GRAMD1B: variants seen among roughly 807,000 people sequenced by gnomAD.
GRAMD1B encodes protein Aster-B.
Under a neutral mutation model 99.7 loss-of-function variants are expected in GRAMD1B, and 37 were observed. The ratio of observed to expected loss-of-function variants is 0.37; its 90% CI spans 0.29 to 0.49. The LOEUF (loss-of-function observed/expected upper bound fraction) is 0.49, where lower values mean the gene tolerates loss of function less well. GRAMD1B is among the 20% of genes least tolerant of loss of function. GRAMD1B has a pLI of 0.98. For missense variants in GRAMD1B, 888 were observed against 1,009.2 expected, an observed-to-expected ratio of 0.88 and a Z score of 1.63; for synonymous variants, 427 against 387.6, an observed-to-expected ratio of 1.10 and a Z score of -1.19.
At chr11:123,494,767 G>T (rs1272574419) in intron 2 of GRAMD1B, among the ~76,000 whole-genome samples, 1 of 152,092 alleles carries the variant, frequency 6.6e-6, no homozygotes, top group Non-Finnish European at 1.5e-5. Context: ...CCTACTTCCT[G>T]CTGGGAGAAA....
intron 1 of GRAMD1B, among the ~76,000 whole-genome samples, chr11:123,377,061 A>G (rs560371981): frequency 5.9e-5 from 9 of 152,254 alleles, no homozygotes; most frequent in African/African-American, 2.2e-4. Context: ...AATCTCCAAG[A>G]ACTACTCTAA....
chr11:123,537,746 C>T (rs958151135), intron 2 of GRAMD1B, among the ~76,000 whole-genome samples: 7 of 152,148 alleles, frequency 4.6e-5, no homozygotes, highest in Non-Finnish European at 8.8e-5. Flanking sequence ...TACCATTTAG[C>T]GATTGAGCTT....
chr11:123,406,901 T>C (rs1330658025), intron 1 of GRAMD1B, among the ~76,000 whole-genome samples: 2 of 152,204 alleles, frequency 1.3e-5, no homozygotes, highest in Non-Finnish European at 2.9e-5. Context: ...TATATCAATG[T>C]GCCAGACACT....
At chr11:123,579,585 C>A (rs1011041539) in intron 3 of GRAMD1B, among the ~76,000 whole-genome samples, 12 of 152,262 alleles carry the variant, frequency 7.9e-5, no homozygotes, top group African/African-American at 2.9e-4. Context: ...TGCCCTGTGG[C>A]AGCCCCCTCT....
chr11:123,433,122 G>T (rs1176967265), intron 1 of GRAMD1B, among the ~76,000 whole-genome samples: 2 of 151,072 alleles, frequency 1.3e-5, no homozygotes, highest in African/African-American at 4.9e-5. Flanking sequence ...GGGAGGCTGA[G>T]GCGGGAGGGT....
At chr11:123,564,833 C>G (rs1264763206) in intron 2 of GRAMD1B, among the ~76,000 whole-genome samples, 1 of 152,124 alleles carries the variant, frequency 6.6e-6, no homozygotes, top group Non-Finnish European at 1.5e-5. Context: ...TTGCCTTGTT[C>G]CAGTGGTCTT....
chr11:123,456,853 G>C (rs528010355), intron 1 of GRAMD1B, among the ~76,000 whole-genome samples: 3 of 149,192 alleles, frequency 2.0e-5, no homozygotes, highest in Non-Finnish European at 4.4e-5. Flanking sequence ...CTGGGAGGCA[G>C]AGGTTGCTGT....
At chr11:123,534,031 T>A (rs529211737) in intron 2 of GRAMD1B, among the ~76,000 whole-genome samples, 1 of 152,372 alleles carries the variant, frequency 6.6e-6, no homozygotes, top group Non-Finnish European at 1.5e-5. Flanking sequence ...AGATGACCCT[T>A]GACCAACTTG....
intron 1 of GRAMD1B, among the ~76,000 whole-genome samples, chr11:123,462,752 C>T (rs564322898): frequency 6.9e-4 from 105 of 151,974 alleles, no homozygotes; most frequent in African/African-American, 2.3e-3. Flanking sequence ...TGCGGAAGGC[C>T]GCAGGGTCCT....
intron 1 of GRAMD1B, chr11:123,458,445 C>G (rs372147914): frequency 6.6e-6 from 1 of 152,322 alleles, no homozygotes. Context: ...GCACCTAGTC[C>G]ACTCAGACTC....
intron 2 of GRAMD1B, among the ~76,000 whole-genome samples, chr11:123,513,594 C>CTTCCT (rs1941321199): frequency 1.1e-5 from 1 of 87,730 alleles, no homozygotes; most frequent in African/African-American, 5.2e-5. Flanking sequence ...TCCTTCCTTC[C>CTTCCT]TTCCTTCCTT....
At chr11:123,602,350 T>C (rs1952091598) in intron 8 of GRAMD1B, among the ~76,000 whole-genome samples, 1 of 151,552 alleles carries the variant, frequency 6.6e-6, no homozygotes. Flanking sequence ...TGGAATATTG[T>C]TCAATTTTTA....
intron 1 of GRAMD1B, among the ~76,000 whole-genome samples, chr11:123,480,054 G>A (rs976828620): frequency 6.6e-6 from 1 of 152,144 alleles, no homozygotes; most frequent in Non-Finnish European, 1.5e-5. Context: ...TATGCCAGCA[G>A]TTAGTGTCAT....
intron 2 of GRAMD1B, among the ~76,000 whole-genome samples, chr11:123,567,898 C>T (rs1463710896): frequency 1.3e-5 from 2 of 152,230 alleles, no homozygotes; most frequent in African/African-American, 4.8e-5. Flanking sequence ...CAAAAACTTT[C>T]CGTGAACTTT....
At chr11:123,603,382 G>T (rs73029849) in intron 8 of GRAMD1B, 44 bp from the exon 9 acceptor site, 42,137 of 1,194,124 alleles carry the variant, frequency 0.035, 929 homozygotes, top group African/African-American at 0.084. Flanking sequence ...AGAGTCGGGG[G>T]ACCTGAGGGA....
intron 4 of GRAMD1B, among the ~76,000 whole-genome samples, chr11:123,592,972 C>G (rs2136525777): frequency 6.6e-6 from 1 of 152,238 alleles, no homozygotes; most frequent in South Asian, 2.1e-4. Flanking sequence ...TGGCTCACTC[C>G]TGTAATCCCA....
chr11:123,618,210 C>A, intron 17 of GRAMD1B: 1 of 742,666 alleles, frequency 1.3e-6, no homozygotes, highest in Admixed American at 2.0e-5. Flanking sequence ...TCCATTGTGT[C>A]TTTGCTTCTA....
At chr11:123,413,562 C>T (rs1340938406) in intron 1 of GRAMD1B, among the ~76,000 whole-genome samples, 1 of 151,926 alleles carries the variant, frequency 6.6e-6, no homozygotes, top group African/African-American at 2.4e-5. Flanking sequence ...GGGAAGGAAC[C>T]AGAGGAACTA....
Position 123,394,412 on chromosome 11 carries a change from C to G in GRAMD1B, c.-176+35613C>G, listed in dbSNP as rs73605950. On this transcript the variant is annotated intron_variant, in intron 1 of 20. Coordinates refer to the GRAMD1B transcript ENST00000638157. ...TACTATTCCTTCCAAATGGAACGGC[C>G]TCTCCACTTCCGTATTTGTGGACTC... Among the ~76,000 whole-genome samples, 763 of 152,306 alleles carry G rather than the reference C, an allele frequency of 5.0e-3. 6 individuals carry two copies. Among genetic ancestry groups the G allele is most frequent in the African/African-American group, 0.017 (717 of 41,552 alleles).
Sources: gnomAD v4.1 joint callset for allele counts (sites outside exome capture counted in the v4.1 genomes callset) on GRCh38, gnomAD v4.1.1 for gene constraint, MANE v1.5 for transcripts, NCBI Gene and HGNC (gene_info 2026-07-23, HGNC 2026-07-21) for gene names.